The following AHI1 variants were observed in gnomAD, a reference collection of about 807,000 sequenced individuals.
AHI1 encodes the protein Abelson helper integration site 1.
Under a neutral mutation model 149.3 loss-of-function variants are expected in AHI1, and 123 were observed. That is an observed-to-expected ratio of 0.82 (90% CI 0.71 to 0.96). AHI1 has a LOEUF of 0.96. Ranked by LOEUF, AHI1 falls within the 40% of genes least tolerant of loss-of-function variation. AHI1 has a pLI of 0.00. For missense variants in AHI1, 1,439 were observed against 1,422.7 expected (o/e 1.01, Z -0.18); for synonymous variants, 475 against 459.8 (o/e 1.03, Z -0.42).
intron 23 of AHI1, among the ~76,000 whole-genome samples, chr6:135,364,484 C>G (rs530842592): frequency 2.7e-5 from 4 of 149,178 alleles, no homozygotes; most frequent in Admixed American, 2.7e-4. Flanking sequence ...ACTTCCCAGA[C>G]GGGGTGGCGG....
chr6:135,466,197 T>G lies in AHI1; in HGVS notation c.366A>C (p.Gln122His). Residue 122 changes from glutamine to histidine, a missense_variant, in exon 7 of 29, where the codon CAA becomes CAC. Coordinates refer to ENST00000265602, the MANE Select transcript of AHI1 (RefSeq NM_001134831.2). Reference sequence around the variant, plus strand: ...TTATCACCTTTTTATTTGGCTTTCCTTGTTTGTCTTCCTCTACACTAGCAT... The same window carrying G: ...TTATCACCTTTTTATTTGGCTTTCCGTGTTTGTCTTCCTCTACACTAGCAT... ...NGDASVEEDKQGKPNKKVIKT... is the reference protein window; with the variant it reads ...NGDASVEEDKHGKPNKKVIKT... The G allele has an allele frequency of 1.2e-6, 2 of 1,613,942 alleles. No homozygotes were observed. Among genetic ancestry groups the G allele is most frequent in the East Asian group, 4.5e-5 (2 of 44,880 alleles).
intron 5 of AHI1, among the ~76,000 whole-genome samples, chr6:135,488,301 T>C (rs1285937635): frequency 6.6e-6 from 1 of 152,202 alleles, no homozygotes; most frequent in Non-Finnish European, 1.5e-5. Flanking sequence ...GGGTCAAATA[T>C]CTTTCTATGT....
At chr6:135,344,943 C>CACACAA (rs1395549019) in intron 24 of AHI1, among the ~76,000 whole-genome samples, 22 of 151,376 alleles carry the variant, frequency 1.5e-4, no homozygotes, top group African/African-American at 5.1e-4. Flanking sequence ...CACACACACA[C>CACACAA]ACACACACAC....
chr6:135,488,372 C>A (rs1794775793), intron 5 of AHI1, among the ~76,000 whole-genome samples: 1 of 152,098 alleles, frequency 6.6e-6, no homozygotes, highest in South Asian at 2.1e-4. Flanking sequence ...GAATTTGTCT[C>A]CCACTTCACT....
intron 24 of AHI1, among the ~76,000 whole-genome samples, chr6:135,332,346 C>T (rs751691223): frequency 3.3e-5 from 5 of 152,190 alleles, no homozygotes; most frequent in South Asian, 4.1e-4. Flanking sequence ...GGATTACAGG[C>T]GTAAGCCACC....
intron 3 of AHI1, chr6:135,492,509 AAT>A: frequency 8.7e-7 from 1 of 1,154,700 alleles, no homozygotes; most frequent in Non-Finnish European, 1.1e-6. Context: ...ATCATATCTG[AAT>A]AAAGTATTTA....
chr6:135,449,710 A>G (rs1377314408), intron 11 of AHI1, among the ~76,000 whole-genome samples: 3 of 152,212 alleles, frequency 2.0e-5, no homozygotes, highest in Non-Finnish European at 4.4e-5. Flanking sequence ...AGAGGCAAGA[A>G]AGGCTCTAAG....
intron 26 of AHI1, among the ~76,000 whole-genome samples, chr6:135,310,769 T>G (rs933783676): frequency 2.6e-5 from 4 of 152,200 alleles, no homozygotes; most frequent in Admixed American, 1.3e-4. Context: ...ATCTAACATT[T>G]CTGTGCATAC....
intron 20 of AHI1, among the ~76,000 whole-genome samples, chr6:135,419,841 T>C (rs1213103353): frequency 3.9e-5 from 6 of 152,104 alleles, no homozygotes; most frequent in Non-Finnish European, 7.4e-5. Flanking sequence ...TGCTATTTGA[T>C]AGCATTTTAC....
Position 135,435,641 on chromosome 6 carries a change from T to C in AHI1, c.2037-2385A>G, listed in dbSNP as rs554946472. On this transcript the variant is annotated intron_variant, in intron 15 of 28. Coordinates refer to ENST00000265602, the MANE Select transcript of AHI1 (RefSeq NM_001134831.2). ...TGCCTGTTAGGCCATGCTAAGGAAC[T>C]GGAAAATTTTTCAATGGGCAATGGG... Among the ~76,000 whole-genome samples the C allele has an allele frequency of 2.0e-5, 3 of 152,320 alleles. No individual in the cohort carries two copies. The South Asian group carries it at 6.2e-4, about 32-fold the overall frequency.
chr6:135,463,479 T>TA (rs1790255851), intron 7 of AHI1, among the ~76,000 whole-genome samples, 173 bp from the exon 8 acceptor site: 1 of 152,072 alleles, frequency 6.6e-6, no homozygotes, highest in Non-Finnish European at 1.5e-5. Context: ...AAGTGTCAAA[T>TA]AGGTATCATA....
At chr6:135,415,797 T>C (rs1017849970) in intron 20 of AHI1, among the ~76,000 whole-genome samples, 4 of 152,170 alleles carry the variant, frequency 2.6e-5, no homozygotes, top group African/African-American at 7.2e-5. Flanking sequence ...AACTGTGGCA[T>C]AGCCATACAA....
chr6:135,382,926 A>AATATATATATATATAT (rs1217996100), intron 23 of AHI1, among the ~76,000 whole-genome samples: 3 of 30,510 alleles, frequency 9.8e-5, no homozygotes, highest in African/African-American at 2.5e-4. Flanking sequence ...AAAAAAAAAA[A>AATATATATATATATAT]ATATATATAT....
rs113486673 is a variant in AHI1 at position 135,430,605 on chromosome 6, G to A, written c.2373+603C>T. 2.2e-3 allele frequency among the ~76,000 whole-genome samples: 337 copies of A among 151,860 alleles called. 2 individuals carry two copies. Among genetic ancestry groups the A allele is most frequent in the African/African-American group, 7.7e-3 (318 of 41,476 alleles). On this transcript the variant is annotated intron_variant, in intron 17 of 28. Coordinates refer to ENST00000265602, the MANE Select transcript of AHI1 (RefSeq NM_001134831.2). ...ATCAATTTATATAGAACAAATTCAA[G>A]TTTAATGATTCATTTGTATTTTTAA...
Position 135,302,859 on chromosome 6 carries a change from C to T in AHI1, c.3427-2301G>A, listed in dbSNP as rs762280533. The stretch of plus-strand genomic sequence containing the variant: ...CCCCAAGGCTGGTGTTCAATCAGCC[C>T]GCAAATAACCCCCACCATCGACAAC... On this transcript the variant is annotated intron_variant, in intron 26 of 28. Transcript: ENST00000265602. The T allele has an allele frequency of 2.5e-5, 31 of 1,258,668 alleles. No individual in the cohort carries two copies. The East Asian group carries it at 3.4e-4, about 14-fold the overall frequency. The allele number at this position is 1,258,668 out of a possible 1,614,324, so 78.0% of individuals were successfully genotyped here. A position where few individuals can be genotyped will look rare whatever the true frequency, so the allele number is the denominator to read the frequency against.
chr6:135,333,434 A>G (rs1013765560), intron 24 of AHI1, among the ~76,000 whole-genome samples: 3 of 152,192 alleles, frequency 2.0e-5, no homozygotes, highest in African/African-American at 7.2e-5. Flanking sequence ...ACAGTCCCTT[A>G]CCATTATATC....
chr6:135,339,672 G>A (rs1407758462), intron 24 of AHI1, among the ~76,000 whole-genome samples: 2 of 152,124 alleles, frequency 1.3e-5, no homozygotes, highest in Non-Finnish European at 2.9e-5. Context: ...AATGAACAGA[G>A]CCTCAGAGAA....
At position 135,467,633 on chromosome 6, in the gene AHI1, G is replaced by C. The variant is rs1210811690; in HGVS notation, c.137C>G (p.Pro46Arg). ...KLVRSEENIS[P>R]DTIRSNLHYM... The stretch of plus-strand genomic sequence containing the variant: ...GTGAAGATTGCTTCTAATAGTGTCA[G>C]GCTAAAAAGGAAGACATAATAAAGT... The change falls in exon 6 of 29, where the codon CCT (proline) becomes CGT (arginine). Residue 46 changes from proline to arginine, a missense_variant and splice_region_variant. Pro to Arg is a moderately radical substitution (Grantham distance 103). Transcript: ENST00000265602. 1 of 1,599,370 alleles carries C rather than the reference G, an allele frequency of 6.3e-7. No homozygotes were observed. Among genetic ancestry groups the C allele is most frequent in the Non-Finnish European group, 8.5e-7 (1 of 1,170,918 alleles).
chr6:135,403,205 G>C (rs1052038624), intron 22 of AHI1, among the ~76,000 whole-genome samples: 1 of 152,126 alleles, frequency 6.6e-6, no homozygotes, highest in Non-Finnish European at 1.5e-5. Context: ...GCTTCATTCA[G>C]GGGTGATGAA....
Sources: allele counts gnomAD v4.1 joint callset (sites outside exome capture counted in the v4.1 genomes callset), GRCh38; gene constraint gnomAD v4.1.1; transcripts MANE v1.5; gene names NCBI Gene and HGNC (gene_info 2026-07-23, HGNC 2026-07-21).